SLC24A2: variants seen among roughly 807,000 people sequenced by gnomAD.
SLC24A2 encodes the protein sodium/potassium/calcium exchanger 2.
Under a neutral mutation model 62.0 loss-of-function variants are expected in SLC24A2, and 36 were observed. The observed-to-expected ratio is 0.58, with a 90% CI of 0.44 to 0.77. The LOEUF (loss-of-function observed/expected upper bound fraction) is 0.77, where lower values mean the gene tolerates loss of function less well. Among genes scored for constraint, SLC24A2 ranks in the 30% least tolerant of loss-of-function variants. The probability of loss-of-function intolerance (pLI) is 0.00; values close to 1 mark genes in which losing one functional copy is unlikely to be tolerated. For synonymous variants in SLC24A2, 358 were observed against 294.0 expected, an observed-to-expected ratio of 1.22 and a Z score of -2.23; for missense variants, 846 against 817.9, an observed-to-expected ratio of 1.03 and a Z score of -0.42.
At chr9:20,196,074 C>A in the SLC24A2 span, among the ~76,000 whole-genome samples, 1 of 152,052 alleles carries the variant, frequency 6.6e-6, no homozygotes, top group Non-Finnish European at 1.5e-5. Flanking sequence ...TCATCTATGA[C>A]AAAGCTTGAC....
At chr9:19,827,375 G>A in the SLC24A2 span, among the ~76,000 whole-genome samples, 1 of 152,142 alleles carries the variant, frequency 6.6e-6, no homozygotes, top group African/African-American at 2.4e-5. Flanking sequence ...TTGCAGGGGT[G>A]CTTTCTTCCT....
chr9:19,662,054 G>C (rs1819117249), intron 2 of SLC24A2, among the ~76,000 whole-genome samples: 1 of 152,018 alleles, frequency 6.6e-6, no homozygotes, highest in Non-Finnish European at 1.5e-5. Context: ...TGCTATTCCT[G>C]GCCAAGATCT....
rs954234045 is a variant in SLC24A2, at chr9:19,516,176, G to T, written c.1963C>A (p.Leu655Ile). Reference sequence around the variant, plus strand: ...TGCTAGATGGAGACGGGGCATGTAAGAATTCTGTCTTCTAGGAGAACGCTC... The same window carrying T: ...TGCTAGATGGAGACGGGGCATGTAATAATTCTGTCTTCTAGGAGAACGCTC... Reference protein sequence around the residue: ...VVSVLLEDRILTCPVSI With the variant: ...VVSVLLEDRIITCPVSI Residue 655 changes from leucine (L) to isoleucine (I), a missense_variant, in exon 11 of 11, where the codon CTT (leucine) becomes ATT (isoleucine). Physicochemically the swap from Leu to Ile is conservative, Grantham distance 5 (BLOSUM62 2). Coordinates refer to ENST00000341998, the MANE Select transcript of SLC24A2 (RefSeq NM_020344.4). 10 of 1,614,046 alleles carry T rather than the reference G, an allele frequency of 6.2e-6. No homozygotes were observed. The highest frequency in any genetic ancestry group is 1.7e-5 in the Admixed American group (1 of 60,010).
chr9:20,214,503 T>A, the SLC24A2 span, among the ~76,000 whole-genome samples: 1 of 151,910 alleles, frequency 6.6e-6, no homozygotes, highest in African/African-American at 2.4e-5. Flanking sequence ...TAGTCCCAGC[T>A]ACTCGGGAGG....
the SLC24A2 span, among the ~76,000 whole-genome samples, chr9:19,885,769 G>T: frequency 6.6e-6 from 1 of 151,892 alleles, no homozygotes; most frequent in Non-Finnish European, 1.5e-5. Context: ...TCTCAATTAG[G>T]CCCCAGTATG....
At chr9:20,222,395 G>C in the SLC24A2 span, among the ~76,000 whole-genome samples, 1 of 151,906 alleles carries the variant, frequency 6.6e-6, no homozygotes, top group Admixed American at 6.6e-5. Flanking sequence ...CTAATAAAAA[G>C]CAAAGTTTAG....
intron 4 of SLC24A2, among the ~76,000 whole-genome samples, chr9:19,609,437 A>G (rs1042494938): frequency 5.3e-5 from 8 of 152,356 alleles, no homozygotes; most frequent in African/African-American, 1.9e-4. Flanking sequence ...CAGAACATCT[A>G]AAAGCTGCTC....
At chr9:19,978,204 T>A in the SLC24A2 span, among the ~76,000 whole-genome samples, 96 of 152,316 alleles carry the variant, frequency 6.3e-4, no homozygotes, top group Admixed American at 6.5e-4. Context: ...TTTACAACCA[T>A]ATAACTGTTT....
At chr9:19,753,973 A>G (rs77984919) in intron 2 of SLC24A2, among the ~76,000 whole-genome samples, 2,511 of 152,302 alleles carry the variant, frequency 0.016, 64 homozygotes, top group African/African-American at 0.056. Flanking sequence ...CAGTATTTTT[A>G]GCAGCAAAGG....
chr9:20,000,801 G>C, the SLC24A2 span, among the ~76,000 whole-genome samples: 12 of 152,182 alleles, frequency 7.9e-5, no homozygotes, highest in Admixed American at 7.9e-4. Context: ...TAAAATGTGA[G>C]ACTGTTCCTC....
chr9:19,830,684 G>C, the SLC24A2 span, among the ~76,000 whole-genome samples: 1 of 152,098 alleles, frequency 6.6e-6, no homozygotes, highest in Non-Finnish European at 1.5e-5. Context: ...AGATCATCTA[G>C]ACCCGGCAGA....
the SLC24A2 span, among the ~76,000 whole-genome samples, chr9:19,953,118 CTCTTT>C: frequency 6.6e-6 from 1 of 151,884 alleles, no homozygotes; most frequent in Non-Finnish European, 1.5e-5. Context: ...ATCTTGTCCC[CTCTTT>C]CATTCTTGAC....
At chr9:19,892,750 A>G in the SLC24A2 span, among the ~76,000 whole-genome samples, 62,676 of 151,650 alleles carry the variant, frequency 0.41, 13,491 homozygotes, top group East Asian at 0.84. Flanking sequence ...GTATTTACGC[A>G]TGGAGGAACT....
intron 7 of SLC24A2, among the ~76,000 whole-genome samples, chr9:19,555,410 A>G (rs1179441470): frequency 6.6e-6 from 1 of 152,146 alleles, no homozygotes; most frequent in Non-Finnish European, 1.5e-5. Flanking sequence ...TCAGAGCCAA[A>G]TTTGTAACCT....
chr9:19,560,299 C>A, intron 7 of SLC24A2, among the ~76,000 whole-genome samples: 1 of 105,452 alleles, frequency 9.5e-6, no homozygotes, highest in East Asian at 3.7e-4. Flanking sequence ...GTTTATGAGC[C>A]CGCCCCCCAC....
chr9:20,292,190 A>C, the SLC24A2 span, among the ~76,000 whole-genome samples: 2 of 152,228 alleles, frequency 1.3e-5, no homozygotes, highest in African/African-American at 4.8e-5. Context: ...AACTGACTGC[A>C]GTACCTCTGT....
intron 2 of SLC24A2, among the ~76,000 whole-genome samples, chr9:19,777,459 C>A (rs886978419): frequency 6.6e-6 from 1 of 151,956 alleles, no homozygotes; most frequent in African/African-American, 2.4e-5. Context: ...ATGTGTAAAG[C>A]TATTTGTTGT....
chr9:19,721,948 TTGTC>T (rs1409454841), intron 2 of SLC24A2, among the ~76,000 whole-genome samples: 1 of 152,262 alleles, frequency 6.6e-6, no homozygotes, highest in African/African-American at 2.4e-5. Flanking sequence ...CAAACTCTCT[TTGTC>T]TGTCTTTTAC....
At chr9:19,734,436 G>T (rs544935103) in intron 2 of SLC24A2, among the ~76,000 whole-genome samples, 1 of 152,306 alleles carries the variant, frequency 6.6e-6, no homozygotes, top group African/African-American at 2.4e-5. Flanking sequence ...GGCATTGGTA[G>T]CTTGATGGGG....
Sources: allele counts gnomAD v4.1 joint callset (sites outside exome capture counted in the v4.1 genomes callset), GRCh38; gene constraint gnomAD v4.1.1; transcripts MANE v1.5; gene names NCBI Gene and HGNC (gene_info 2026-07-23, HGNC 2026-07-21).